ADCY2: variants seen among roughly 807,000 people sequenced by gnomAD.
ADCY2 encodes adenylate cyclase 2.
Under a neutral mutation model 125.2 loss-of-function variants are expected in ADCY2, and 31 were observed. The ratio of observed to expected loss-of-function variants is 0.25; its 90% CI spans 0.19 to 0.33. ADCY2 has a LOEUF of 0.33. ADCY2 is among the 10% of genes least tolerant of loss of function. ADCY2 has a pLI of 1.00. For synonymous variants in ADCY2, 512 were observed against 548.4 expected, an observed-to-expected ratio of 0.93 and a Z score of 0.93; for missense variants, 904 against 1,418.2, an observed-to-expected ratio of 0.64 and a Z score of 5.82.
chr5:7,728,746 A>G (rs1742009444), intron 14 of ADCY2, among the ~76,000 whole-genome samples: 2 of 152,166 alleles, frequency 1.3e-5, no homozygotes, highest in Non-Finnish European at 2.9e-5. Flanking sequence ...ATTTTTCTAC[A>G]TCTTCCTTTT....
chr5:7,465,535 A>C (rs1018304537), intron 2 of ADCY2, among the ~76,000 whole-genome samples: 5 of 152,186 alleles, frequency 3.3e-5, no homozygotes, highest in Non-Finnish European at 7.3e-5. Flanking sequence ...CTATTGGTAG[A>C]GGCTCTGCAG....
intron 2 of ADCY2, among the ~76,000 whole-genome samples, chr5:7,421,770 C>G (rs1206380253): frequency 2.6e-5 from 4 of 152,208 alleles, no homozygotes; most frequent in Non-Finnish European, 5.9e-5. Flanking sequence ...CCTTAACCTT[C>G]AAATCCACCT....
At chr5:7,786,307 C>T (rs1744080431) in intron 19 of ADCY2, among the ~76,000 whole-genome samples, 2 of 152,178 alleles carry the variant, frequency 1.3e-5, no homozygotes, top group South Asian at 4.1e-4. Context: ...TTTAGTACTC[C>T]CTTCCCCGAA....
Position 7,802,364 on chromosome 5 carries a change from T to C in ADCY2, c.2775T>C (p.Asp925=). Residue 925 remains aspartate (D), a splice_region_variant and synonymous_variant, in exon 21 of 25, where the codon GAT becomes GAC. Transcript: ENST00000338316. This position sits in a 1 kb window ranked among gnomAD's most constrained non-coding sequence, Gnocchi z 4.6. Reference sequence around the variant, plus strand: ...ACGAGATCATCGCTGACTTTGATGATGTAGGTACTGAGAGTTGCCCTCGAA... The same window carrying C: ...ACGAGATCATCGCTGACTTTGATGACGTAGGTACTGAGAGTTGCCCTCGAA... ...LLNEIIADFD[D]LLSKPKFSGV... is the part of the protein sequence containing the mutation. 2 of 1,613,984 alleles carry C rather than the reference T, an allele frequency of 1.2e-6. No individual in the cohort carries two copies. The highest frequency in any genetic ancestry group is 2.7e-5 in the African/African-American group (2 of 75,058).
intron 1 of ADCY2, among the ~76,000 whole-genome samples, chr5:7,406,374 G>A (rs1739490053): frequency 2.6e-5 from 4 of 152,126 alleles, no homozygotes; most frequent in African/African-American, 9.7e-5. Flanking sequence ...CTTGTTATCA[G>A]CCATCTACCC....
At chr5:7,573,732 C>G (rs1036554864) in intron 3 of ADCY2, among the ~76,000 whole-genome samples, 2 of 149,040 alleles carry the variant, frequency 1.3e-5, no homozygotes, top group African/African-American at 5.0e-5. Context: ...CTTTTAAACT[C>G]TTTTTTTTGT....
chr5:7,648,515 T>C (rs1447871667), intron 4 of ADCY2, among the ~76,000 whole-genome samples: 1 of 152,156 alleles, frequency 6.6e-6, no homozygotes, highest in African/African-American at 2.4e-5. Flanking sequence ...GTGTTTCAAG[T>C]AATAAGCACT....
intron 2 of ADCY2, among the ~76,000 whole-genome samples, chr5:7,459,855 C>T (rs1473669864): frequency 3.7e-5 from 5 of 135,310 alleles, no homozygotes; most frequent in African/African-American, 1.1e-4. Flanking sequence ...GGCGCGATCG[C>T]GGCTCACTGC....
At chr5:7,508,523 G>C (rs1743932338) in intron 2 of ADCY2, among the ~76,000 whole-genome samples, 2 of 152,134 alleles carry the variant, frequency 1.3e-5, no homozygotes, top group Non-Finnish European at 2.9e-5. Flanking sequence ...GACCACAACT[G>C]TCTCATTGTG....
At chr5:7,603,201 C>A (rs998472297) in intron 3 of ADCY2, among the ~76,000 whole-genome samples, 1 of 152,220 alleles carries the variant, frequency 6.6e-6, no homozygotes, top group Non-Finnish European at 1.5e-5. Context: ...TGTTCCATCA[C>A]CCTTTCCAGT....
At chr5:7,533,136 C>A (rs1452530450) in intron 3 of ADCY2, among the ~76,000 whole-genome samples, 1 of 150,434 alleles carries the variant, frequency 6.6e-6, no homozygotes, top group Non-Finnish European at 1.5e-5. Flanking sequence ...CATATACACA[C>A]TATATTAAAT....
chr5:7,565,927 C>T (rs922961767), intron 3 of ADCY2, among the ~76,000 whole-genome samples: 1 of 152,158 alleles, frequency 6.6e-6, no homozygotes, highest in African/African-American at 2.4e-5. Context: ...AATAGTATCC[C>T]TAGTTCTCAG....
At chr5:7,804,346 C>T (rs925494976) in intron 21 of ADCY2, among the ~76,000 whole-genome samples, 4 of 152,184 alleles carry the variant, frequency 2.6e-5, no homozygotes, top group Non-Finnish European at 4.4e-5. Context: ...AAAGTTTGAA[C>T]GCTAATTCGT....
At chr5:7,590,756 C>T (rs908785210) in intron 3 of ADCY2, among the ~76,000 whole-genome samples, 1 of 152,044 alleles carries the variant, frequency 6.6e-6, no homozygotes, top group Non-Finnish European at 1.5e-5. Flanking sequence ...CCACAGGAAT[C>T]CATAATGTAA....
At chr5:7,585,244 T>C (rs938242356) in intron 3 of ADCY2, among the ~76,000 whole-genome samples, 1 of 152,182 alleles carries the variant, frequency 6.6e-6, no homozygotes, top group African/African-American at 2.4e-5. Context: ...TTGGTCAATA[T>C]ACATCAAGAT....
intron 3 of ADCY2, chr5:7,522,484 C>CCTGAGGTTAT (rs58014147): frequency 1.3e-5 from 2 of 152,008 alleles, no homozygotes; most frequent in African/African-American, 4.8e-5. Flanking sequence ...CAGAGCCTCT[C>CCTGAGGTTAT]CTGTGGGGCA....
intron 4 of ADCY2, among the ~76,000 whole-genome samples, chr5:7,662,098 C>A (rs906137077): frequency 1.3e-5 from 2 of 152,152 alleles, no homozygotes; most frequent in Non-Finnish European, 2.9e-5. Flanking sequence ...CACGCATAGC[C>A]TCCTCACTTT....
At chr5:7,430,656 G>T (rs1373461040) in intron 2 of ADCY2, among the ~76,000 whole-genome samples, 1 of 151,254 alleles carries the variant, frequency 6.6e-6, no homozygotes, top group African/African-American at 2.4e-5. Flanking sequence ...ATCAATTTTC[G>T]TGATTCACCA....
chr5:7,737,232 C>A (rs923116075), intron 14 of ADCY2, among the ~76,000 whole-genome samples: 1 of 152,040 alleles, frequency 6.6e-6, no homozygotes, highest in East Asian at 1.9e-4. Flanking sequence ...AGCTGATAAA[C>A]CAAATAGGGG....
Sources: allele counts gnomAD v4.1 joint callset (sites outside exome capture counted in the v4.1 genomes callset), GRCh38; gene constraint gnomAD v4.1.1; non-coding constraint Gnocchi (gnomAD v3.1); transcripts MANE v1.5; gene names NCBI Gene and HGNC (gene_info 2026-07-23, HGNC 2026-07-21).